ZZEF1: variants seen among roughly 807,000 people sequenced by gnomAD.
ZZEF1 encodes the protein zinc finger ZZ-type and EF-hand domain-containing protein 1.
In ZZEF1, 157 loss-of-function variants were observed where a neutral mutation model predicts 342.8. The ratio of observed to expected loss-of-function variants is 0.46; its 90% CI spans 0.40 to 0.52. ZZEF1 has a LOEUF of 0.52. ZZEF1 is among the 20% of genes least tolerant of loss of function. The pLI is 0.00. For missense variants in ZZEF1, 3,480 were observed against 3,725.6 expected (o/e 0.93, Z 1.72); for synonymous variants, 1,505 against 1,429.1 (o/e 1.05, Z -1.20).
chr17:4,126,138 T>C (rs562573279), intron 1 of ZZEF1, among the ~76,000 whole-genome samples: 144 of 149,774 alleles, frequency 9.6e-4, no homozygotes, highest in Admixed American at 2.4e-3. Flanking sequence ...AGGCAGAGAA[T>C]TGCTTGAACC....
At chr17:4,021,996 A>T (rs2056284065) in intron 44 of ZZEF1, among the ~76,000 whole-genome samples, 2 of 152,136 alleles carry the variant, frequency 1.3e-5, no homozygotes, top group African/African-American at 4.8e-5. Context: ...ATTTTAATTT[A>T]AAATATTCTC....
chr17:4,045,125 G>A (rs907304095), intron 37 of ZZEF1, among the ~76,000 whole-genome samples: 1 of 152,082 alleles, frequency 6.6e-6, no homozygotes, highest in Non-Finnish European at 1.5e-5. Context: ...CTGCACTCCA[G>A]CCTGGGCGAC....
chr17:4,043,058 G>C lies in ZZEF1; in HGVS notation c.6167-490C>G, dbSNP rs185998596. Among the ~76,000 whole-genome samples the C allele has an allele frequency of 1.2e-4, 19 of 152,292 alleles. No homozygotes were observed. The East Asian group carries it at 3.5e-3, about 28-fold the overall frequency. ...TTCCTTCTCCAGGAGGCCTGCCTGA[G>C]CCCTGTTTAAATGAAAGACTGTCCT... On this transcript the variant is annotated intron_variant, in intron 38 of 54. Transcript: ENST00000381638.
Position 4,124,082 on chromosome 17 carries a change from G to T in ZZEF1, c.355-31C>A, listed in dbSNP as rs751482834. ...AGATAAGAGATGCAAGAAAATCAGG[G>T]CTGTTTCAAGTAAACGAGGGCAGTT... On this transcript the variant is annotated intron_variant, in intron 1 of 54. Coordinates refer to ENST00000381638, the MANE Select transcript of ZZEF1 (RefSeq NM_015113.4). 2.5e-6 allele frequency: 4 copies of T among 1,582,210 alleles called. No individual in the cohort carries two copies. The South Asian group carries it at 4.6e-5, about 18-fold the overall frequency.
chr17:4,022,077 C>A (rs2056285520), intron 44 of ZZEF1, among the ~76,000 whole-genome samples: 1 of 152,200 alleles, frequency 6.6e-6, no homozygotes, highest in Non-Finnish European at 1.5e-5. Context: ...TTAAACCTAA[C>A]CAAATCCTCT....
chr17:4,097,766 A>C (rs2058061667), intron 9 of ZZEF1, among the ~76,000 whole-genome samples: 1 of 151,976 alleles, frequency 6.6e-6, no homozygotes, highest in South Asian at 2.1e-4. Context: ...ACTGTTTGTA[A>C]CATCTTACTG....
At chr17:4,082,561 A>C in intron 16 of ZZEF1, 57 bp from the exon 17 acceptor site, 1 of 1,546,432 alleles carries the variant, frequency 6.5e-7, no homozygotes, top group Non-Finnish European at 8.9e-7. Flanking sequence ...CATTCCAGAG[A>C]CCTAGAGCGG....
chr17:4,136,853 T>C (rs1488551870), intron 1 of ZZEF1, among the ~76,000 whole-genome samples: 2 of 152,088 alleles, frequency 1.3e-5, no homozygotes, highest in African/African-American at 4.8e-5. Context: ...CCTTCCTTCC[T>C]TTGCCAGGCG....
intron 18 of ZZEF1, among the ~76,000 whole-genome samples, chr17:4,080,371 C>A (rs933315908): frequency 6.6e-6 from 1 of 151,786 alleles, no homozygotes; most frequent in Admixed American, 6.6e-5. Context: ...GACAGAGTTT[C>A]GCTCGTTGCC....
At position 4,016,589 on chromosome 17, in the gene ZZEF1, T is replaced by G. The variant is rs1263069931; in HGVS notation, c.8002-123A>C. On this transcript the variant is annotated intron_variant, in intron 48 of 54. Transcript: ENST00000381638. The surrounding 1 kb of genome is among the most constrained non-coding windows in gnomAD (Gnocchi z 4.4). ...TCATCTTAGACCTAGGACGAGCCTCTGTGACTCCACCACCCAAAACCAACT... is the reference window on the plus strand; with the variant it reads ...TCATCTTAGACCTAGGACGAGCCTCGGTGACTCCACCACCCAAAACCAACT... The G allele has an allele frequency of 8.1e-7, 1 of 1,236,596 alleles. No homozygotes were observed. The highest frequency in any genetic ancestry group is 1.1e-6 in the Non-Finnish European group (1 of 916,818). 76.6% of individuals were successfully genotyped at this position (1,236,596 alleles called of 1,614,324 possible). A position where few individuals can be genotyped will look rare whatever the true frequency, so the allele number is the denominator to read the frequency against.
chr17:4,132,904 T>C (rs1481582117), intron 1 of ZZEF1, among the ~76,000 whole-genome samples: 3 of 151,964 alleles, frequency 2.0e-5, no homozygotes. Context: ...AGGTGGAGCT[T>C]GCAGTGAGCT....
chr17:4,137,389 T>C (rs533330862), intron 1 of ZZEF1, among the ~76,000 whole-genome samples: 2 of 152,216 alleles, frequency 1.3e-5, no homozygotes, highest in East Asian at 3.9e-4. Context: ...GGTGGGCGGA[T>C]CACAAGGTCA....
At chr17:4,132,144 T>C (rs2058670270) in intron 1 of ZZEF1, among the ~76,000 whole-genome samples, 1 of 152,030 alleles carries the variant, frequency 6.6e-6, no homozygotes, top group Non-Finnish European at 1.5e-5. Flanking sequence ...GTTCAAGTCC[T>C]GTCGGCTATA....
At chr17:4,121,804 C>T (rs944316273) in intron 2 of ZZEF1, among the ~76,000 whole-genome samples, 3 of 151,592 alleles carry the variant, frequency 2.0e-5, no homozygotes, top group African/African-American at 7.3e-5. Context: ...CTCACTGCAG[C>T]CTCAACCTCC....
At chr17:4,120,703 G>A (rs1188690069) in intron 2 of ZZEF1, among the ~76,000 whole-genome samples, 1 of 152,190 alleles carries the variant, frequency 6.6e-6, no homozygotes, top group Non-Finnish European at 1.5e-5. Flanking sequence ...CATTTCAGGA[G>A]GCCAAGGTAG....
intron 2 of ZZEF1, among the ~76,000 whole-genome samples, chr17:4,122,371 C>G (rs1211116548): frequency 6.6e-6 from 1 of 151,714 alleles, no homozygotes; most frequent in African/African-American, 2.4e-5. Flanking sequence ...AAACACAGGC[C>G]ATGTCTTTTC....
In ZZEF1 at chr17:4,130,952, T is replaced by C. The variant is rs546983268; in HGVS notation, c.355-6901A>G. Among the ~76,000 whole-genome samples, 55 of 152,296 alleles carry C rather than the reference T, an allele frequency of 3.6e-4. No individual in the cohort carries two copies. The South Asian group carries it at 0.011, about 30-fold the overall frequency. ...GAATGGGACTCGATCAGCAGTCACA[T>C]GGAAGCCAGAAGGCAATGAAAGTAG... is the stretch of plus-strand genomic sequence containing the variant. On this transcript the variant is annotated intron_variant, in intron 1 of 54. Coordinates refer to ENST00000381638, the MANE Select transcript of ZZEF1 (RefSeq NM_015113.4).
chr17:4,048,789 C>T (rs963398403), intron 37 of ZZEF1, among the ~76,000 whole-genome samples: 1 of 152,046 alleles, frequency 6.6e-6, no homozygotes, highest in Non-Finnish European at 1.5e-5. Flanking sequence ...TCTTGGCTCA[C>T]TGCAACCTCC....
intron 54 of ZZEF1, among the ~76,000 whole-genome samples, 154 bp from the exon 55 acceptor site, chr17:4,007,124 G>GA (rs1369637078): frequency 1.3e-5 from 2 of 152,024 alleles, no homozygotes; most frequent in South Asian, 2.1e-4. Context: ...AGTGGAGAGA[G>GA]AAAAAAAATG....
Sources: gnomAD v4.1 joint callset for allele counts (sites outside exome capture counted in the v4.1 genomes callset) on GRCh38, gnomAD v4.1.1 for gene constraint, Gnocchi (gnomAD v3.1) non-coding constraint, MANE v1.5 for transcripts, NCBI Gene and HGNC (gene_info 2026-07-23, HGNC 2026-07-21) for gene names.